The following FGD6 variants were observed in gnomAD, a reference collection of about 807,000 sequenced individuals.
FGD6 encodes FYVE, RhoGEF and PH domain-containing protein 6.
A neutral mutation model predicts 149.4 loss-of-function variants in FGD6; 90 were observed. The observed-to-expected ratio is 0.60, with a 90% CI of 0.51 to 0.72. The LOEUF (loss-of-function observed/expected upper bound fraction) is 0.72, where lower values mean the gene tolerates loss of function less well. Among genes scored for constraint, FGD6 ranks in the 30% least tolerant of loss-of-function variants. The pLI is 0.00. For synonymous variants in FGD6, 527 were observed against 584.0 expected (o/e 0.90, Z 1.41); for missense variants, 1,437 against 1,684.8 (o/e 0.85, Z 2.57).
chr12:95,198,928 G>A (rs972634424), intron 2 of FGD6, among the ~76,000 whole-genome samples: 1 of 152,134 alleles, frequency 6.6e-6, no homozygotes, highest in Non-Finnish European at 1.5e-5. Flanking sequence ...GTTTCTGCCT[G>A]GTTTGAATAT....
At chr12:95,215,553 T>G (rs762508333) in intron 1 of FGD6, among the ~76,000 whole-genome samples, 1 of 152,242 alleles carries the variant, frequency 6.6e-6, no homozygotes, top group Non-Finnish European at 1.5e-5. Context: ...AGCAAAAAAG[T>G]AGTTGATGCT....
chr12:95,144,493 A>G (rs1879948720), intron 5 of FGD6, among the ~76,000 whole-genome samples: 1 of 151,818 alleles, frequency 6.6e-6, no homozygotes, highest in Non-Finnish European at 1.5e-5. Context: ...CCCGGGTTCA[A>G]GCAATTCTCC....
chr12:95,156,535 C>CCGAAACTTCATTAGCAATT (rs897953905), intron 3 of FGD6, among the ~76,000 whole-genome samples: 4 of 152,090 alleles, frequency 2.6e-5, no homozygotes, highest in African/African-American at 9.7e-5. Flanking sequence ...CAATGTGTGC[C>CCGAAACTTCATTAGCAATT]CGAAACTTCA....
intron 8 of FGD6, among the ~76,000 whole-genome samples, chr12:95,132,626 C>A (rs1879555258): frequency 6.6e-6 from 1 of 152,034 alleles, no homozygotes; most frequent in Non-Finnish European, 1.5e-5. Flanking sequence ...GTGGCATACG[C>A]CTGTAGTCCC....
intron 3 of FGD6, among the ~76,000 whole-genome samples, chr12:95,163,822 A>C (rs1880715647): frequency 6.6e-6 from 1 of 152,236 alleles, no homozygotes; most frequent in Non-Finnish European, 1.5e-5. Flanking sequence ...AGAGGTATAA[A>C]AATTATTAGA....
At chr12:95,128,041 T>C (rs913090678) in intron 8 of FGD6, among the ~76,000 whole-genome samples, 2 of 152,158 alleles carry the variant, frequency 1.3e-5, no homozygotes, top group Non-Finnish European at 2.9e-5. Context: ...ACTAAAAGGA[T>C]ATGTGATAGC....
At chr12:95,085,689 T>G in intron 19 of FGD6, 91 bp downstream of exon 19, 1 of 1,411,454 alleles carries the variant, frequency 7.1e-7, no homozygotes, top group Non-Finnish European at 9.4e-7. Flanking sequence ...AAAAATCTTA[T>G]GTAAAATAAA....
At chr12:95,104,971 G>GAAAAAAA in intron 14 of FGD6, 36 bp downstream of exon 14, 4 of 1,349,980 alleles carry the variant, frequency 3.0e-6, no homozygotes, top group African/African-American at 1.6e-5. Context: ...CTCAGAATGA[G>GAAAAAAA]AAAAAAAAAA....
In FGD6 at chr12:95,173,576, A is replaced by G. The variant is rs11107922; in HGVS notation, c.2442-832T>C. Among the ~76,000 whole-genome samples the G allele has an allele frequency of 9.8e-3, 1,492 of 152,222 alleles. 19 individuals carry two copies. Among genetic ancestry groups the G allele is most frequent in the Middle Eastern group, 0.02 (6 of 294 alleles). On this transcript the variant is annotated intron_variant, in intron 2 of 20. Transcript: ENST00000343958. The stretch of plus-strand genomic sequence containing the variant: ...ATCTAAAAGCCACTGTTGCAATCCA[A>G]TCTGTGGGGGGAATTCCATAGGAAA...
intron 6 of FGD6, among the ~76,000 whole-genome samples, chr12:95,140,474 A>C (rs1425822181): frequency 6.6e-6 from 1 of 152,186 alleles, no homozygotes; most frequent in East Asian, 1.9e-4. Context: ...AAAATTAGCC[A>C]GGCATGGTGG....
rs983179812 is a variant in FGD6, at chr12:95,079,008, G to A, written c.*2512C>T. The A allele has an allele frequency of 6.6e-6, 1 of 152,096 alleles. No homozygotes were observed. The highest frequency in any genetic ancestry group is 1.5e-5 in the Non-Finnish European group (1 of 68,008). The allele number at this position is 152,096 out of a possible 1,614,324, so 9.4% of individuals were successfully genotyped here. A position where few individuals can be genotyped will look rare whatever the true frequency, so the allele number is the denominator to read the frequency against. On this transcript the variant is annotated 3_prime_UTR_variant, in exon 21 of 21. Coordinates refer to ENST00000343958, the MANE Select transcript of FGD6 (RefSeq NM_018351.4). The stretch of plus-strand genomic sequence containing the variant: ...TAACTTTTCTCCCCATTTATAGACT[G>A]TGCCCAATATCATTTTTCCTCTAAA...
At chr12:95,158,592 T>TACAC (rs374955266) in intron 3 of FGD6, among the ~76,000 whole-genome samples, 94 of 151,424 alleles carry the variant, frequency 6.2e-4, no homozygotes, top group Non-Finnish European at 1.2e-3. Context: ...TACACACACA[T>TACAC]ACACACACAC....
At chr12:95,105,352 G>A (rs1017152617) in intron 13 of FGD6, among the ~76,000 whole-genome samples, 1 of 152,064 alleles carries the variant, frequency 6.6e-6, no homozygotes, top group Non-Finnish European at 1.5e-5. Flanking sequence ...ATGGCCAAAT[G>A]TGACCTATAC....
At chr12:95,140,047 A>G (rs1156398752) in intron 6 of FGD6, among the ~76,000 whole-genome samples, 1 of 152,184 alleles carries the variant, frequency 6.6e-6, no homozygotes, top group African/African-American at 2.4e-5. Flanking sequence ...ATATTTACCC[A>G]ACATATAGAG....
chr12:95,131,074 T>A (rs147848903), intron 8 of FGD6, among the ~76,000 whole-genome samples: 1 of 151,966 alleles, frequency 6.6e-6, no homozygotes, highest in African/African-American at 2.4e-5. Context: ...TGTCTCAATG[T>A]CATTCTTTGG....
At position 95,094,573 on chromosome 12, in the gene FGD6, A is replaced by G. The variant is rs533057097; in HGVS notation, c.3600+19T>C. The G allele has an allele frequency of 6.5e-5, 101 of 1,556,142 alleles. 1 individual carries two copies. In the African/African-American group the frequency reaches 1.2e-3, roughly 19 times the overall value. On this transcript the variant is annotated intron_variant, in intron 15 of 20. Coordinates refer to ENST00000343958, the MANE Select transcript of FGD6 (RefSeq NM_018351.4). ...CTTTGAAATGCACTGGAAAAAAAAA[A>G]AAAAGGAGAAAACAATACCTCATCA...
At chr12:95,152,584 A>G (rs1880343278) in intron 5 of FGD6, among the ~76,000 whole-genome samples, 1 of 152,372 alleles carries the variant, frequency 6.6e-6, no homozygotes, top group Non-Finnish European at 1.5e-5. Flanking sequence ...CAAATGCCTA[A>G]GAAAATATAT....
chr12:95,092,935 T>C, intron 15 of FGD6, 90 bp from the exon 16 acceptor site: 1 of 1,445,062 alleles, frequency 6.9e-7, no homozygotes, highest in Middle Eastern at 1.8e-4. Flanking sequence ...AAGATGGGGA[T>C]GAGGGTCAGG....
chr12:95,111,006 A>T (rs1345992255), intron 9 of FGD6, among the ~76,000 whole-genome samples: 1 of 151,946 alleles, frequency 6.6e-6, no homozygotes, highest in African/African-American at 2.4e-5. Flanking sequence ...TTCCTGAGAC[A>T]GAGTCTTGCT....
Sources: allele counts gnomAD v4.1 joint callset (sites outside exome capture counted in the v4.1 genomes callset), GRCh38; gene constraint gnomAD v4.1.1; transcripts MANE v1.5; gene names NCBI Gene and HGNC (gene_info 2026-07-23, HGNC 2026-07-21).